PYGL: variants seen among roughly 807,000 people sequenced by gnomAD.
PYGL encodes the protein glycogen phosphorylase, liver form.
PYGL carries 90 observed loss-of-function variants against 100.1 expected under a neutral mutation model. That is an observed-to-expected ratio of 0.90 (90% CI 0.76 to 1.07). The LOEUF is 1.07. Among genes scored for constraint, PYGL ranks in the 50% least tolerant of loss-of-function variants. The pLI is 0.00. For synonymous variants in PYGL, 373 were observed against 393.0 expected (o/e 0.95, Z 0.60); for missense variants, 1,016 against 1,057.6 (o/e 0.96, Z 0.55).
rs1347067595 is a variant in PYGL, at chr14:50,915,681, C to G, written c.1239+144G>C. The G allele has an allele frequency of 7.8e-6, 11 of 1,408,756 alleles. No homozygotes were observed. In the East Asian group the frequency reaches 2.2e-4, roughly 28 times the overall value. The allele number at this position is 1,408,756 out of a possible 1,614,324, so 87.3% of individuals were successfully genotyped here. A position where few individuals can be genotyped will look rare whatever the true frequency, so the allele number is the denominator to read the frequency against. On this transcript the variant is annotated intron_variant, in intron 10 of 19. Transcript: ENST00000216392. The stretch of plus-strand genomic sequence containing the variant: ...CCATTTCAGCACTTTCAAAAAGCTG[C>G]CTTTGTTGGAGCCCCGTTCGGACTT...
At chr14:50,927,974 G>T (rs1191328449) in intron 4 of PYGL, among the ~76,000 whole-genome samples, 6 of 152,136 alleles carry the variant, frequency 3.9e-5, no homozygotes, top group Admixed American at 3.9e-4. Context: ...AAGGGGTAGG[G>T]GTGGGGGGCC....
At chr14:50,926,725 CAAAAAAAAAAAAAAAAAAA>C (rs60411526) in intron 4 of PYGL, among the ~76,000 whole-genome samples, 1 of 42,826 alleles carries the variant, frequency 2.3e-5, no homozygotes, top group African/African-American at 8.0e-5. Context: ...GACTCTGTCT[CAAAAAAAAAAAAAAAAAAA>C]AAAAAAAAAG....
chr14:50,915,832 T>C lies in PYGL; in HGVS notation c.1232A>G (p.His411Arg), dbSNP rs547105120. ...TCTCTCAAAATGACTTACATCTAAATGCTTCTGATTTATCTCATAAATGAT... is the reference window on the plus strand; with the variant it reads ...TCTCTCAAAATGACTTACATCTAAACGCTTCTGATTTATCTCATAAATGAT... ...LEIIYEINQK[H>R]LDRIVALFPK... The change falls in exon 10 of 20, where the codon CAT (histidine) becomes CGT (arginine). Residue 411 changes from histidine to arginine, a missense_variant. By Grantham distance (29) the His-to-Arg change is conservative. Transcript: ENST00000216392. The C allele has an allele frequency of 6.2e-7, 1 of 1,614,008 alleles. No individual in the cohort carries two copies. Among genetic ancestry groups the C allele is most frequent in the East Asian group, 2.2e-5 (1 of 44,892 alleles).
At chr14:50,939,278 C>A (rs1461582041) in intron 1 of PYGL, among the ~76,000 whole-genome samples, 1 of 152,234 alleles carries the variant, frequency 6.6e-6, no homozygotes, top group South Asian at 2.1e-4. Flanking sequence ...CTCAGGTGAT[C>A]TGCCTGCCTT....
In PYGL at chr14:50,921,027, T is replaced by C; in HGVS notation, c.701A>G (p.Tyr234Cys). ...ALPYDTPVPG[Y>C]MNNTVNTMRL... ...CATGGTGTTGACAGTGTTATTCATG[T>C]AGCCGGGCACGGGGGTGTCATATGG... The change falls in exon 6 of 20, where the codon TAC becomes TGC. Residue 234 changes from tyrosine to cysteine, a missense_variant. Tyr to Cys is a radical substitution (Grantham distance 194). Coordinates refer to ENST00000216392, the MANE Select transcript of PYGL (RefSeq NM_002863.5). 6.2e-7 allele frequency: 1 copy of C among 1,614,228 alleles called. No homozygotes were observed. Among genetic ancestry groups the C allele is most frequent in the Non-Finnish European group, 8.5e-7 (1 of 1,180,028 alleles).
intron 3 of PYGL, among the ~76,000 whole-genome samples, chr14:50,934,651 ATGTGTGTG>A: frequency 6.6e-6 from 1 of 151,458 alleles, no homozygotes; most frequent in African/African-American, 2.4e-5. Context: ...ATGTGTGTGT[ATGTGTGTG>A]TATATATATA....
Position 50,910,114 on chromosome 14 carries a change from G to T in PYGL, c.1970-12C>A, listed in dbSNP as rs1454936246. On this transcript the variant is annotated splice_polypyrimidine_tract_variant and intron_variant, in intron 16 of 19. Coordinates refer to ENST00000216392, the MANE Select transcript of PYGL (RefSeq NM_002863.5). ...TGTGGCTGGAATGACTGCAAGAAAG[G>T]TAAGTTAAAATTAGTAATTTTGTCT... is the stretch of plus-strand genomic sequence containing the variant. The T allele has an allele frequency of 4.3e-6, 7 of 1,609,328 alleles. No homozygotes were observed. The highest frequency in any genetic ancestry group is 1.7e-5 in the Admixed American group (1 of 60,002).
rs574862235 is a variant in PYGL, at chr14:50,915,574, T to TA, written c.1240-76dup. 30 of 1,575,992 alleles carry TA rather than the reference T, an allele frequency of 1.9e-5. No individual in the cohort carries two copies. In the South Asian group the frequency reaches 2.8e-4, roughly 15 times the overall value. ...CATTGGGATAACGCTGTTCATGTCT[T>TA]AAGCAAAATCTTTGGTGTACTCAAT... On this transcript the variant is annotated intron_variant, in intron 10 of 19. Coordinates refer to ENST00000216392, the MANE Select transcript of PYGL (RefSeq NM_002863.5).
At chr14:50,940,521 G>A (rs1413249330) in intron 1 of PYGL, among the ~76,000 whole-genome samples, 1 of 152,176 alleles carries the variant, frequency 6.6e-6, no homozygotes, top group African/African-American at 2.4e-5. Flanking sequence ...GACTTTATAA[G>A]GACAGGAACG....
At chr14:50,927,389 T>C (rs1014100778) in intron 4 of PYGL, among the ~76,000 whole-genome samples, 1 of 152,054 alleles carries the variant, frequency 6.6e-6, no homozygotes, top group African/African-American at 2.4e-5. Context: ...CACACACAAC[T>C]AATTTTTGTA....
At chr14:50,943,191 A>G (rs748084048) in intron 1 of PYGL, among the ~76,000 whole-genome samples, 24 of 152,014 alleles carry the variant, frequency 1.6e-4, no homozygotes, top group Admixed American at 9.2e-4. Context: ...ATTCTTTCCA[A>G]TATGTCTCTA....
rs752420290 is a variant in PYGL, at chr14:50,916,974, G to C, written c.987C>G (p.Ala329=). 86 of 1,614,082 alleles carry C rather than the reference G, an allele frequency of 5.3e-5. No individual in the cohort carries two copies. Among genetic ancestry groups the C allele is most frequent in the Non-Finnish European group, 7.2e-5 (85 of 1,180,030 alleles). Residue 329 remains alanine, a synonymous_variant, in exon 8 of 20, where the codon GCC becomes GCG. Transcript: ENST00000216392. ...STRGAGTVFD[A]FPDQVAIQLN... is the part of the protein sequence containing the mutation. ...ACTAAATACTTGCCTGATCCGGGAA[G>C]GCATCAAACACAGTTCCTGCACCAC...
At chr14:50,938,685 C>T (rs137890858) in intron 1 of PYGL, among the ~76,000 whole-genome samples, 136 of 152,202 alleles carry the variant, frequency 8.9e-4, no homozygotes, top group Admixed American at 2.5e-3. Context: ...CAGGTTTTGG[C>T]AAAGCACTAT....
At chr14:50,931,322 A>G (rs192065780) in intron 4 of PYGL, among the ~76,000 whole-genome samples, 30 of 152,310 alleles carry the variant, frequency 2.0e-4, no homozygotes, top group Admixed American at 2.0e-3. Flanking sequence ...GGCTGAGATC[A>G]TGAGTCAAAG....
At chr14:50,931,306 G>A (rs1025573310) in intron 4 of PYGL, among the ~76,000 whole-genome samples, 13 of 152,180 alleles carry the variant, frequency 8.5e-5, no homozygotes, top group Admixed American at 3.9e-4. Context: ...ATCATCAAGG[G>A]TTCTTGGCTG....
chr14:50,936,433 G>T (rs1161943602), intron 2 of PYGL, among the ~76,000 whole-genome samples: 1 of 152,204 alleles, frequency 6.6e-6, no homozygotes, highest in Non-Finnish European at 1.5e-5. Context: ...GCTCTCTGCA[G>T]ATTAGAGCTT....
chr14:50,915,947 A>C lies in PYGL; in HGVS notation c.1117T>G (p.Phe373Val). The change falls in exon 10 of 20, where the codon TTC becomes GTC. Residue 373 changes from phenylalanine (F) to valine (V), a missense_variant. By Grantham distance (50) the Phe-to-Val change is conservative (BLOSUM62 -1). Coordinates refer to ENST00000216392, the MANE Select transcript of PYGL (RefSeq NM_002863.5). Reference sequence around the variant, plus strand: ...AGCACTGTGTGGTTGGTGTAGGCGAAGGTCTTCTGGGTGAGCTCCCATGCC... The same window carrying C: ...AGCACTGTGTGGTTGGTGTAGGCGACGGTCTTCTGGGTGAGCTCCCATGCC... Reference protein sequence around the residue: ...SKAWELTQKTFAYTNHTVLPE... With the variant: ...SKAWELTQKTVAYTNHTVLPE... The C allele has an allele frequency of 6.2e-7, 1 of 1,614,152 alleles. No individual in the cohort carries two copies. Among genetic ancestry groups the C allele is most frequent in the Non-Finnish European group, 8.5e-7 (1 of 1,180,008 alleles).
At position 50,916,975 on chromosome 14, in the gene PYGL, G is replaced by C. The variant is rs756397141; in HGVS notation, c.986C>G (p.Ala329Gly). 1 of 1,614,184 alleles carries C rather than the reference G, an allele frequency of 6.2e-7. No individual in the cohort carries two copies. Among genetic ancestry groups the C allele is most frequent in the South Asian group, 1.1e-5 (1 of 91,080 alleles). Reference protein sequence around the residue: ...STRGAGTVFDAFPDQVAIQLN... With the variant: ...STRGAGTVFDGFPDQVAIQLN... ...CTAAATACTTGCCTGATCCGGGAAGGCATCAAACACAGTTCCTGCACCACG... is the reference window on the plus strand; with the variant it reads ...CTAAATACTTGCCTGATCCGGGAAGCCATCAAACACAGTTCCTGCACCACG... Residue 329 changes from alanine (A) to glycine (G), a missense_variant, in exon 8 of 20, where the codon GCC becomes GGC. By Grantham distance (60) the Ala-to-Gly change is moderately conservative (BLOSUM62 0). Transcript: ENST00000216392.
chr14:50,916,560 A>G (rs1335066325), intron 9 of PYGL, 82 bp downstream of exon 9: 3 of 1,296,448 alleles, frequency 2.3e-6, no homozygotes, highest in Non-Finnish European at 2.2e-6. Flanking sequence ...TACTTTGAAA[A>G]ACTAAAAAGG....
Sources: gnomAD v4.1 joint callset for allele counts (sites outside exome capture counted in the v4.1 genomes callset) on GRCh38, gnomAD v4.1.1 for gene constraint, MANE v1.5 for transcripts, NCBI Gene and HGNC (gene_info 2026-07-23, HGNC 2026-07-21) for gene names.